Variants in GAB2 observed in about 807,000 individuals in gnomAD.
The protein encoded by GAB2 is GRB2-associated-binding protein 2.
Under a neutral mutation model 65.5 loss-of-function variants are expected in GAB2, and 26 were observed. The observed-to-expected ratio is 0.40, with a 90% CI of 0.29 to 0.55. The LOEUF (loss-of-function observed/expected upper bound fraction) is 0.55. Among genes scored for constraint, GAB2 ranks in the 20% least tolerant of loss-of-function variants. The pLI, the probability that GAB2 is intolerant of heterozygous loss-of-function variation, is 0.53. For missense variants in GAB2, 884 were observed against 875.8 expected (o/e 1.01, Z -0.12); for synonymous variants, 321 against 329.6 (o/e 0.97, Z 0.28).
chr11:78,335,479 A>G (rs562310430), intron 1 of GAB2, among the ~76,000 whole-genome samples: 1 of 152,358 alleles, frequency 6.6e-6, no homozygotes, highest in East Asian at 1.9e-4. Flanking sequence ...TTTTCCCAGC[A>G]ACACTTACTG....
At chr11:78,227,698 G>A (rs1034639574) in intron 3 of GAB2, among the ~76,000 whole-genome samples, 2 of 150,994 alleles carry the variant, frequency 1.3e-5, no homozygotes, top group Admixed American at 1.3e-4. Flanking sequence ...TTCTGGTGAG[G>A]CTAAGGGAGG....
chr11:78,287,538 A>C lies in GAB2; in HGVS notation c.76-6637T>G, dbSNP rs546578625. ...AGTAATCTTCCTGCCTTGGCCTCCC[A>C]AAATGCTGTGATTACAAGTGTGAAC... is the stretch of plus-strand genomic sequence containing the variant. On this transcript the variant is annotated intron_variant, in intron 1 of 9. Transcript: ENST00000361507. Among the ~76,000 whole-genome samples, 3 of 152,310 alleles carry C rather than the reference A, an allele frequency of 2.0e-5. No homozygotes were observed. The East Asian group carries it at 5.8e-4, about 29-fold the overall frequency.
At chr11:78,314,693 G>A (rs370238793) in intron 1 of GAB2, among the ~76,000 whole-genome samples, 1 of 152,204 alleles carries the variant, frequency 6.6e-6, no homozygotes, top group Admixed American at 6.5e-5. Flanking sequence ...GGTGGACAGA[G>A]ACCAGGTCAC....
chr11:78,223,421 C>G lies in GAB2; in HGVS notation c.1558G>C (p.Asp520His). 6.6e-7 allele frequency: 1 copy of G among 1,525,002 alleles called. No individual in the cohort carries two copies. The highest frequency in any genetic ancestry group is 8.8e-7 in the Non-Finnish European group (1 of 1,134,696). 94.5% of individuals were successfully genotyped at this position (1,525,002 alleles called of 1,614,324 possible). ...GAAAGAATGGACTTACCTTTCCGAT[C>G]AGGTTTGAGGTTGCGGTTGACAGGG... ...PPPVNRNLKP[D>H]RKAKPTPLDL... Residue 520 changes from aspartate to histidine, a missense_variant, in exon 6 of 10, where the codon GAT (aspartate) becomes CAT (histidine). Asp to His is a moderately conservative substitution (Grantham distance 81). Transcript: ENST00000361507.
At chr11:78,276,028 T>C (rs12291804) in intron 2 of GAB2, among the ~76,000 whole-genome samples, 38,367 of 150,254 alleles carry the variant, frequency 0.26, 5,729 homozygotes, top group East Asian at 0.4. Context: ...GCAGGAGAAT[T>C]GCTTGAACCT....
intron 2 of GAB2, among the ~76,000 whole-genome samples, chr11:78,254,914 A>G (rs1865556080): frequency 6.6e-6 from 1 of 152,102 alleles, no homozygotes; most frequent in Non-Finnish European, 1.5e-5. Flanking sequence ...AACTTTAAAA[A>G]GATCTCTGCC....
chr11:78,284,164 T>C (rs969546056), intron 1 of GAB2, among the ~76,000 whole-genome samples: 4 of 152,192 alleles, frequency 2.6e-5, no homozygotes, highest in African/African-American at 9.7e-5. Flanking sequence ...ACTCCTTTCA[T>C]ACTCTACATC....
intron 2 of GAB2, among the ~76,000 whole-genome samples, chr11:78,272,267 CG>C (rs1388558013): frequency 1.3e-5 from 2 of 152,004 alleles, no homozygotes; most frequent in Non-Finnish European, 2.9e-5. Flanking sequence ...GAACAGTTTG[CG>C]GGGCTCAGAA....
chr11:78,216,711 A>ACACT lies in GAB2; in HGVS notation c.*2557_*2560dup, dbSNP rs1250241408. ...CAGCCAGGTCCACTCACATCATGGC[A>ACACT]CACTCAGAACATGCTCACATGTTTA... On this transcript the variant is annotated 3_prime_UTR_variant, in exon 10 of 10. Transcript: ENST00000361507. 6.6e-6 allele frequency: 1 copy of ACACT among 152,234 alleles called. No homozygotes were observed. The highest frequency in any genetic ancestry group is 2.4e-5 in the African/African-American group (1 of 41,432). 9.4% of individuals were successfully genotyped at this position (152,234 alleles called of 1,614,324 possible). A position where few individuals can be genotyped will look rare whatever the true frequency, so the allele number is the denominator to read the frequency against.
intron 1 of GAB2, among the ~76,000 whole-genome samples, chr11:78,337,292 T>C (rs1233050619): frequency 2.6e-5 from 4 of 152,064 alleles, no homozygotes; most frequent in Non-Finnish European, 2.9e-5. Context: ...CAAAAAGAAA[T>C]AAGGACAGGG....
intron 1 of GAB2, among the ~76,000 whole-genome samples, chr11:78,396,151 T>G (rs1477775420): frequency 6.6e-6 from 1 of 152,158 alleles, no homozygotes; most frequent in Non-Finnish European, 1.5e-5. Context: ...AGGTGACAGC[T>G]TATAAATAAT....
At chr11:78,402,953 T>C (rs1169013217) in intron 1 of GAB2, among the ~76,000 whole-genome samples, 1 of 152,116 alleles carries the variant, frequency 6.6e-6, no homozygotes, top group Non-Finnish European at 1.5e-5. Context: ...ACTCATAAAT[T>C]AGAGACATTA....
intron 1 of GAB2, among the ~76,000 whole-genome samples, chr11:78,387,424 C>T (rs761936345): frequency 2.6e-5 from 4 of 152,164 alleles, no homozygotes; most frequent in South Asian, 2.1e-4. Context: ...CTGACCATCA[C>T]GTTATCAAGT....
chr11:78,244,486 T>C (rs1457400807), intron 3 of GAB2, among the ~76,000 whole-genome samples: 1 of 151,882 alleles, frequency 6.6e-6, no homozygotes, highest in African/African-American at 2.4e-5. Flanking sequence ...AGAGACAACC[T>C]ACTGAATGGG....
intron 1 of GAB2, among the ~76,000 whole-genome samples, chr11:78,316,661 C>A (rs1855612880): frequency 6.6e-6 from 1 of 152,126 alleles, no homozygotes; most frequent in African/African-American, 2.4e-5. Context: ...TATGGAGAAA[C>A]TGGAACCCTT....
Position 78,221,711 on chromosome 11 carries a change from T to A in GAB2, c.1727A>T (p.Asp576Val). The A allele has an allele frequency of 6.2e-7, 1 of 1,613,400 alleles. No individual in the cohort carries two copies. ...ATAGTTCTCTTCGCTGTCTCCTGAG[T>A]CTGTGCTGGTGATGCTCTGGGTGGA... ...PISTQSITST[D>V]SGDSEENYVP... The change falls in exon 8 of 10, where the codon GAC becomes GTC. Residue 576 changes from aspartate to valine, a missense_variant. Physicochemically the swap from Asp to Val is radical, Grantham distance 152 (BLOSUM62 -3). Coordinates refer to ENST00000361507, the MANE Select transcript of GAB2 (RefSeq NM_080491.3).
intron 1 of GAB2, among the ~76,000 whole-genome samples, chr11:78,322,253 C>T (rs973903697): frequency 6.9e-5 from 9 of 130,050 alleles, no homozygotes; most frequent in Middle Eastern, 9.3e-3. Context: ...TGCAGTGAGC[C>T]GAGCTACTGC....
chr11:78,370,199 G>A (rs893753597), intron 1 of GAB2, among the ~76,000 whole-genome samples: 2 of 146,948 alleles, frequency 1.4e-5, no homozygotes, highest in African/African-American at 2.5e-5. Flanking sequence ...GGAGCTTGCA[G>A]TGAGCTGAGA....
intron 1 of GAB2, among the ~76,000 whole-genome samples, chr11:78,283,263 G>A (rs1239049539): frequency 6.6e-6 from 1 of 152,164 alleles, no homozygotes; most frequent in Non-Finnish European, 1.5e-5. Flanking sequence ...ACCTGTAGCT[G>A]TGAGCTCTGT....
Sources: gnomAD v4.1 joint callset for allele counts (sites outside exome capture counted in the v4.1 genomes callset) on GRCh38, gnomAD v4.1.1 for gene constraint, MANE v1.5 for transcripts, NCBI Gene and HGNC (gene_info 2026-07-23, HGNC 2026-07-21) for gene names.